TMCO4: variants seen among roughly 807,000 people sequenced by gnomAD.
TMCO4 encodes the protein transmembrane and coiled-coil domain-containing protein 4.
A neutral mutation model predicts 64.7 loss-of-function variants in TMCO4; 58 were observed. The observed-to-expected ratio is 0.90, with a 90% CI of 0.73 to 1.12. The LOEUF is 1.12. Ranked by LOEUF, TMCO4 falls within the 50% of genes most tolerant of loss-of-function variation. TMCO4 has a pLI of 0.00. For synonymous variants in TMCO4, 325 were observed against 346.1 expected, an observed-to-expected ratio of 0.94 and a Z score of 0.68; for missense variants, 780 against 825.9, an observed-to-expected ratio of 0.94 and a Z score of 0.68.
chr1:19,758,083 TC>T (rs1036694829), intron 6 of TMCO4, among the ~76,000 whole-genome samples: 3 of 152,190 alleles, frequency 2.0e-5, no homozygotes, highest in Non-Finnish European at 4.4e-5. Flanking sequence ...TAGGGGACCC[TC>T]CTTTCCCTGG....
Position 19,732,318 on chromosome 1 carries a change from C to T in TMCO4, c.1264+5054G>A, listed in dbSNP as rs185458990. Among the ~76,000 whole-genome samples the T allele has an allele frequency of 7.9e-5, 12 of 152,136 alleles. No homozygotes were observed. Among genetic ancestry groups the T allele is most frequent in the East Asian group, 1.9e-4 (1 of 5,146 alleles). Reference sequence around the variant, plus strand: ...TCCCAAGTAGCTGGGGCTACATGCACGTGCCACCATGCCTGGCTAATTTTA... The same window carrying T: ...TCCCAAGTAGCTGGGGCTACATGCATGTGCCACCATGCCTGGCTAATTTTA... On this transcript the variant is annotated intron_variant, in intron 13 of 15. Coordinates refer to ENST00000294543, the MANE Select transcript of TMCO4 (RefSeq NM_181719.7). This position sits in a 1 kb window ranked among gnomAD's most constrained non-coding sequence, Gnocchi z 4.8.
chr1:19,779,849 G>C (rs780725670), intron 4 of TMCO4, among the ~76,000 whole-genome samples: 1 of 152,210 alleles, frequency 6.6e-6, no homozygotes, highest in African/African-American at 2.4e-5. Context: ...GATGGTATCT[G>C]TCTCATTCAC....
chr1:19,713,456 CT>C (rs1261970272), intron 13 of TMCO4, among the ~76,000 whole-genome samples: 19 of 152,084 alleles, frequency 1.2e-4, no homozygotes, highest in Admixed American at 1.2e-3. Flanking sequence ...AAGTGGCTGG[CT>C]TTTGGGGATG....
intron 2 of TMCO4, among the ~76,000 whole-genome samples, chr1:19,788,465 G>A (rs2043852875): frequency 6.6e-6 from 1 of 152,156 alleles, no homozygotes; most frequent in Non-Finnish European, 1.5e-5. Context: ...CTCCAGGTAG[G>A]CAGGGACCGG....
At position 19,682,988 on chromosome 1, in the gene TMCO4, G is replaced by A. The variant is rs1304321573; in HGVS notation, c.*52C>T. Reference sequence around the variant, plus strand: ...TCCTGGGAGGAACCCGAGGGTATAAGAGAGAGCTGCATATGGAGACTGGGG... The same window carrying A: ...TCCTGGGAGGAACCCGAGGGTATAAAAGAGAGCTGCATATGGAGACTGGGG... On this transcript the variant is annotated 3_prime_UTR_variant, in exon 16 of 16. Transcript: ENST00000294543. 6.6e-7 allele frequency: 1 copy of A among 1,525,376 alleles called. No individual in the cohort carries two copies. The highest frequency in any genetic ancestry group is 2.3e-5 in the East Asian group (1 of 44,240). 94.5% of individuals were successfully genotyped at this position (1,525,376 alleles called of 1,614,324 possible).
intron 13 of TMCO4, among the ~76,000 whole-genome samples, chr1:19,710,300 A>G (rs1312408844): frequency 1.4e-5 from 2 of 146,124 alleles, no homozygotes; most frequent in East Asian, 4.1e-4. Flanking sequence ...TTTAGTAGAG[A>G]TGGGATCTCA....
At chr1:19,797,106 T>C (rs752895345) in intron 2 of TMCO4, among the ~76,000 whole-genome samples, 2 of 152,144 alleles carry the variant, frequency 1.3e-5, no homozygotes, top group African/African-American at 2.4e-5. Flanking sequence ...AATATCATTT[T>C]ATATAAAGTG....
intron 1 of TMCO4, chr1:19,799,109 A>C (rs2044475767): frequency 2.0e-5 from 3 of 152,590 alleles, no homozygotes; most frequent in African/African-American, 7.2e-5. Flanking sequence ...CAGGCTCTCC[A>C]GGCAGGTAGC....
At chr1:19,776,045 T>C (rs2043189566) in intron 4 of TMCO4, among the ~76,000 whole-genome samples, 1 of 152,166 alleles carries the variant, frequency 6.6e-6, no homozygotes, top group South Asian at 2.1e-4. Flanking sequence ...GTAGCTAGGA[T>C]TACAGGCATA....
chr1:19,763,897 G>A (rs1181343153), intron 6 of TMCO4, among the ~76,000 whole-genome samples: 2 of 152,220 alleles, frequency 1.3e-5, no homozygotes, highest in Non-Finnish European at 2.9e-5. Context: ...CCTGGCTGCA[G>A]AGCCCTCACA....
rs2095460296 is a variant in TMCO4, at chr1:19,737,474, A to T, written c.1180-18T>A. ...CGTCGCCCCTGAAGGGAAAAAGGAC[A>T]CAGGTGTCTGGAAGGAATACTGCCA... On this transcript the variant is annotated intron_variant, in intron 12 of 15. Transcript: ENST00000294543. 2 of 1,613,142 alleles carry T rather than the reference A, an allele frequency of 1.2e-6. No homozygotes were observed. The highest frequency in any genetic ancestry group is 3.3e-5 in the Admixed American group (2 of 60,006).
intron 15 of TMCO4, among the ~76,000 whole-genome samples, chr1:19,692,307 T>TG (rs2095201511): frequency 6.6e-6 from 1 of 152,162 alleles, no homozygotes. Context: ...CTACCTGGGC[T>TG]GGGGCTACAT....
intron 3 of TMCO4, among the ~76,000 whole-genome samples, chr1:19,785,738 C>T (rs1219710140): frequency 2.0e-5 from 3 of 152,124 alleles, no homozygotes; most frequent in Non-Finnish European, 4.4e-5. Context: ...GAATCCATGC[C>T]CTCAGCAGCC....
At chr1:19,684,509 C>A (rs1172749401) in intron 15 of TMCO4, among the ~76,000 whole-genome samples, 1 of 152,150 alleles carries the variant, frequency 6.6e-6, no homozygotes, top group Non-Finnish European at 1.5e-5. Flanking sequence ...TACCCCTCTA[C>A]CCCTCTGGCT....
rs369300085 is a variant in TMCO4 at position 19,780,688 on chromosome 1, C to G, written c.71G>C (p.Gly24Ala). The G allele has an allele frequency of 3.7e-6, 6 of 1,613,760 alleles. No individual in the cohort carries two copies. In the African/African-American group the frequency reaches 8.0e-5, roughly 22 times the overall value. Reference protein sequence around the residue: ...QPLVAEPTAEGEPHLPTGREL... With the variant: ...QPLVAEPTAEAEPHLPTGREL... The stretch of plus-strand genomic sequence containing the variant: ...CCGGCCCGTGGGCAGGTGTGGCTCC[C>G]CCTCTGCAGTGGGCTCAGCTACCAG... The change falls in exon 4 of 16, where the codon GGG becomes GCG. Residue 24 changes from glycine (G) to alanine (A), a missense_variant. Transcript: ENST00000294543.
At chr1:19,744,810 T>C (rs2041688116) in intron 10 of TMCO4, among the ~76,000 whole-genome samples, 1 of 152,184 alleles carries the variant, frequency 6.6e-6, no homozygotes, top group Admixed American at 6.5e-5. Flanking sequence ...GCTTCCCCTA[T>C]TGTGCCATCC....
Position 19,683,088 on chromosome 1 carries a change from G to A in TMCO4, c.1857C>T (p.Cys619=), listed in dbSNP as rs141809184. ...SHGMDPNPLG[C]PDCACKTQGP... is the part of the protein sequence containing the mutation. ...CCTGGGTCTTGCAGGCACAATCGGG[G>A]CAGCCCAGTGGGTTGGGGTCCATGC... Residue 619 remains cysteine, a synonymous_variant, in exon 16 of 16, where the codon TGC becomes TGT. Transcript: ENST00000294543. 1.7e-5 allele frequency: 27 copies of A among 1,608,348 alleles called. No individual in the cohort carries two copies. The Middle Eastern group carries it at 2.0e-3, about 119-fold the overall frequency.
chr1:19,760,542 G>C (rs1460071349), intron 6 of TMCO4, among the ~76,000 whole-genome samples: 2 of 152,078 alleles, frequency 1.3e-5, no homozygotes, highest in African/African-American at 4.8e-5. Context: ...TCAGCCTCCT[G>C]AGCAGTTGGG....
At chr1:19,791,357 T>C (rs972603565) in intron 2 of TMCO4, among the ~76,000 whole-genome samples, 3 of 150,714 alleles carry the variant, frequency 2.0e-5, no homozygotes, top group South Asian at 4.2e-4. Flanking sequence ...GAAAAGAAAA[T>C]AGCAAGGGTT....
Sources: gnomAD v4.1 joint callset for allele counts (sites outside exome capture counted in the v4.1 genomes callset) on GRCh38, gnomAD v4.1.1 for gene constraint, Gnocchi (gnomAD v3.1) non-coding constraint, MANE v1.5 for transcripts, NCBI Gene and HGNC (gene_info 2026-07-23, HGNC 2026-07-21) for gene names.